Variants in BIN1 observed in about 807,000 individuals in gnomAD.
The protein encoded by BIN1 is bridging integrator 1, also known as myc box-dependent-interacting protein 1.
BIN1 carries 53 observed loss-of-function variants against 82.0 expected under a neutral mutation model. That is an observed-to-expected ratio of 0.65 (90% confidence interval 0.52 to 0.81). The LOEUF is 0.81. BIN1 is among the 40% of genes least tolerant of loss of function. The probability of loss-of-function intolerance (pLI) is 0.00; values close to 1 mark genes in which losing one functional copy is unlikely to be tolerated. For missense variants in BIN1, 642 were observed against 784.4 expected (o/e 0.82, Z 2.17); for synonymous variants, 302 against 328.0 (o/e 0.92, Z 0.86).
intron 14 of BIN1, 96 bp downstream of exon 14, chr2:127,053,326 C>A: frequency 6.5e-7 from 1 of 1,535,524 alleles, no homozygotes; most frequent in East Asian, 2.3e-5. Flanking sequence ...GTGTGGGGTG[C>A]ATGCACCTGT....
chr2:127,054,492 G>T, intron 12 of BIN1: 1 of 172,910 alleles, frequency 5.8e-6, no homozygotes, highest in African/African-American at 2.4e-5. Flanking sequence ...CAGTGCTCCC[G>T]ACTGGGAAAG....
At chr2:127,063,807 G>GGGCACTGCAGCACACAGGCTC in intron 8 of BIN1, 126 bp downstream of exon 8, 1 of 1,426,402 alleles carries the variant, frequency 7.0e-7, no homozygotes, top group Non-Finnish European at 9.8e-7. Context: ...CACACAGGCT[G>GGGCACTGCAGCACACAGGCTC]GGCACCGCAG....
At chr2:127,066,998 G>A (rs1685221433) in intron 7 of BIN1, among the ~76,000 whole-genome samples, 1 of 151,618 alleles carries the variant, frequency 6.6e-6, no homozygotes, top group Admixed American at 6.6e-5. Context: ...TTGAGTTGGG[G>A]AAGTCAAGGC....
intron 18 of BIN1, among the ~76,000 whole-genome samples, chr2:127,049,709 C>T (rs1682631900): frequency 6.6e-6 from 1 of 152,208 alleles, no homozygotes; most frequent in South Asian, 2.1e-4. Context: ...TGGCTCTACA[C>T]AGCGGGGAGG....
chr2:127,052,368 A>G lies in BIN1; in HGVS notation c.1264-6T>C. 1 of 1,571,422 alleles carries G rather than the reference A, an allele frequency of 6.4e-7. No homozygotes were observed. Among genetic ancestry groups the G allele is most frequent in the South Asian group, 1.2e-5 (1 of 85,750 alleles). ...CCGGCTGGACTCTCTGTGGGCTGGTAACAGGCCACGAGGAGAGAACAGGGA... is the reference window on the plus strand; with the variant it reads ...CCGGCTGGACTCTCTGTGGGCTGGTGACAGGCCACGAGGAGAGAACAGGGA... On this transcript the variant is annotated splice_region_variant and splice_polypyrimidine_tract_variant and intron_variant, in intron 14 of 18. Transcript: ENST00000316724.
Position 127,088,088 on chromosome 2 carries a change from G to A in BIN1, c.85-11382C>T, listed in dbSNP as rs113198894. Among the ~76,000 whole-genome samples, 468 of 152,316 alleles carry A rather than the reference G, an allele frequency of 3.1e-3. 3 individuals are homozygous for A. The highest frequency in any genetic ancestry group is 7.1e-3 in the Admixed American group (108 of 15,300). On this transcript the variant is annotated intron_variant, in intron 1 of 18. Coordinates refer to ENST00000316724, the MANE Select transcript of BIN1 (RefSeq NM_139343.3). ...CACCACTGTGAAGAGTCCCCACCCC[G>A]GCTCTGGGACGTGGCCTCTCGGCTG...
At chr2:127,079,599 C>G (rs765744835) in intron 1 of BIN1, among the ~76,000 whole-genome samples, 2 of 152,218 alleles carry the variant, frequency 1.3e-5, no homozygotes, top group African/African-American at 2.4e-5. Context: ...CCTGATCTCT[C>G]CTTTCCTCAA....
At position 127,074,218 on chromosome 2, in the gene BIN1, AC is replaced by A. The variant is rs751396810; in HGVS notation, c.165+2407del. On this transcript the variant is annotated intron_variant, in intron 2 of 18. Transcript: ENST00000316724. ...CTCCTTTCCCAGGGCCCCCAAGCCC[AC>A]TGCAGCCTCCTGAATTCACTCCCCC... 2.0e-5 allele frequency among the ~76,000 whole-genome samples: 3 copies of A among 151,884 alleles called. No homozygotes were observed. In the East Asian group the frequency reaches 5.8e-4, roughly 29 times the overall value.
Position 127,068,225 on chromosome 2 carries a change from G to C in BIN1, c.550C>G (p.Gln184Glu), listed in dbSNP as rs777940512. The C allele has an allele frequency of 8.7e-6, 14 of 1,613,244 alleles. No homozygotes were observed. Among genetic ancestry groups the C allele is most frequent in the African/African-American group, 2.7e-5 (2 of 74,892 alleles). ...PVSLLEKAAPQWCQGKLQAHL... is the reference protein window; with the variant it reads ...PVSLLEKAAPEWCQGKLQAHL... ...GCCTGCAGTTTGCCTTGGCACCACT[G>C]GGGGGCGGCTTTCTCAAGCAGCGAG... The change falls in exon 7 of 19, where the codon CAG becomes GAG. Residue 184 changes from glutamine to glutamate, a missense_variant. Transcript: ENST00000316724. This position sits in a 1 kb window ranked among gnomAD's most constrained non-coding sequence, Gnocchi z 4.9.
intron 1 of BIN1, chr2:127,081,766 C>CAA (rs1687318207): frequency 7.8e-7 from 1 of 1,278,622 alleles, no homozygotes; most frequent in East Asian, 5.8e-5. Flanking sequence ...CCTCATCCAG[C>CAA]AAATCTCCCT....
At position 127,053,462 on chromosome 2, in the gene BIN1, G is replaced by A. The variant is rs767984867; in HGVS notation, c.1240-17C>T. On this transcript the variant is annotated splice_polypyrimidine_tract_variant and intron_variant, in intron 13 of 18. Transcript: ENST00000316724. ...TGGAATTGACTGAGCGCAGCAGTGA[G>A]GGCGAGAAGGACAGTTAGCACAGAG... 30 of 1,613,488 alleles carry A rather than the reference G, an allele frequency of 1.9e-5. No individual in the cohort carries two copies. The highest frequency in any genetic ancestry group is 1.3e-5 in the African/African-American group (1 of 74,922).
At chr2:127,095,623 C>A (rs980330710) in intron 1 of BIN1, among the ~76,000 whole-genome samples, 1 of 152,220 alleles carries the variant, frequency 6.6e-6, no homozygotes, top group Non-Finnish European at 1.5e-5. Flanking sequence ...CCACCTCCTT[C>A]CCACTCCCTG....
Position 127,050,698 on chromosome 2 carries a change from G to A in BIN1, c.1572+104C>T, listed in dbSNP as rs188763849. The A allele has an allele frequency of 3.4e-5, 48 of 1,401,704 alleles. 1 individual carries two copies. The Admixed American group carries it at 4.5e-4, about 13-fold the overall frequency. 86.8% of individuals were successfully genotyped at this position (1,401,704 alleles called of 1,614,324 possible). ...TGCTGGCTGGGAGTGACCTAGTAGC[G>A]CCTGCACAACTTTGGGCAAACCACA... On this transcript the variant is annotated intron_variant, in intron 17 of 18. Coordinates refer to ENST00000316724, the MANE Select transcript of BIN1 (RefSeq NM_139343.3).
At chr2:127,079,131 G>A (rs549859307) in intron 1 of BIN1, among the ~76,000 whole-genome samples, 3 of 152,300 alleles carry the variant, frequency 2.0e-5, no homozygotes, top group East Asian at 1.9e-4. Context: ...ACACACACTC[G>A]ACCCAGTTCC....
At chr2:127,069,706 A>G (rs1396632091) in intron 5 of BIN1, among the ~76,000 whole-genome samples, 1 of 148,484 alleles carries the variant, frequency 6.7e-6, no homozygotes. Context: ...ACCTTCCACA[A>G]TCATATAGCC....
In BIN1 at chr2:127,102,771, C is replaced by G. The variant is rs192222587; in HGVS notation, c.84+4089G>C. On this transcript the variant is annotated intron_variant, in intron 1 of 18. Coordinates refer to ENST00000316724, the MANE Select transcript of BIN1 (RefSeq NM_139343.3). Reference sequence around the variant, plus strand: ...CCTGGGCCCACCCACAGAAGATGCCCAGCTCAGAAGCCTTCCCTGCAGGGT... The same window carrying G: ...CCTGGGCCCACCCACAGAAGATGCCGAGCTCAGAAGCCTTCCCTGCAGGGT... 8.7e-3 allele frequency among the ~76,000 whole-genome samples: 1,330 copies of G among 152,354 alleles called. 65 individuals are homozygous for G. The highest frequency in any genetic ancestry group is 0.078 in the Admixed American group (1,189 of 15,306).
At chr2:127,062,312 C>T (rs1021777954) in intron 9 of BIN1, 115 bp from the exon 10 acceptor site, 1 of 1,050,070 alleles carries the variant, frequency 9.5e-7, no homozygotes, top group Non-Finnish European at 1.4e-6. Context: ...GAACAAGCTC[C>T]TCTTTCCCCA....
At chr2:127,066,490 C>A (rs1383182835) in intron 7 of BIN1, among the ~76,000 whole-genome samples, 3 of 152,222 alleles carry the variant, frequency 2.0e-5, no homozygotes, top group Non-Finnish European at 4.4e-5. Flanking sequence ...AAATGTTTCA[C>A]CTGTTTCAGG....
At chr2:127,083,092 C>CT (rs538480311) in intron 1 of BIN1, among the ~76,000 whole-genome samples, 56 of 131,502 alleles carry the variant, frequency 4.3e-4, no homozygotes, top group Middle Eastern at 8.1e-3. Context: ...TTTTTTTTTT[C>CT]TTTTTTTTTG....
Sources: allele counts gnomAD v4.1 joint callset (sites outside exome capture counted in the v4.1 genomes callset), GRCh38; gene constraint gnomAD v4.1.1; non-coding constraint Gnocchi (gnomAD v3.1); transcripts MANE v1.5; gene names NCBI Gene and HGNC (gene_info 2026-07-23, HGNC 2026-07-21).